The following SYCP1 variants were observed in gnomAD, a reference collection of about 807,000 sequenced individuals.
SYCP1 encodes cancer/testis antigen 8.
SYCP1 carries 64 observed loss-of-function variants against 153.1 expected under a neutral mutation model. The observed-to-expected ratio is 0.42, with a 90% CI of 0.34 to 0.51. The LOEUF (loss-of-function observed/expected upper bound fraction) is 0.51. Ranked by LOEUF, SYCP1 falls within the 20% of genes least tolerant of loss-of-function variation. The probability of loss-of-function intolerance (pLI) is 0.06; values close to 1 mark genes in which losing one functional copy is unlikely to be tolerated. For missense variants in SYCP1, 997 were observed against 1,049.0 expected (o/e 0.95, Z 0.68); for synonymous variants, 384 against 341.8 (o/e 1.12, Z -1.36).
At chr1:114,875,978 A>C (rs1438438991) in intron 9 of SYCP1, 91 bp from the exon 10 acceptor site, 2 of 764,676 alleles carry the variant, frequency 2.6e-6, no homozygotes, top group Admixed American at 3.1e-5. Context: ...AAATTTAATG[A>C]TCACATGATA....
In SYCP1 at chr1:114,856,631, C is replaced by A. The variant is rs1663958597; in HGVS notation, c.167C>A (p.Ser56Tyr). ...TTTCCATTTGCAAAGACTAATCTCTCCAAAAATGGGGAAAACATTGATTCA... is the reference window on the plus strand; with the variant it reads ...TTTCCATTTGCAAAGACTAATCTCTACAAAAATGGGGAAAACATTGATTCA... Reference protein sequence around the residue: ...FEFPFAKTNLSKNGENIDSDP... With the variant: ...FEFPFAKTNLYKNGENIDSDP... Residue 56 changes from serine to tyrosine, a missense_variant, in exon 3 of 32, where the codon TCC becomes TAC. Coordinates refer to ENST00000369522, the MANE Select transcript of SYCP1 (RefSeq NM_003176.4). 1 of 1,611,374 alleles carries A rather than the reference C, an allele frequency of 6.2e-7. No individual in the cohort carries two copies. The highest frequency in any genetic ancestry group is 1.7e-5 in the Admixed American group (1 of 59,602).
chr1:114,961,981 T>TC (rs1337817314), intron 27 of SYCP1, among the ~76,000 whole-genome samples: 3 of 150,866 alleles, frequency 2.0e-5, no homozygotes, highest in Admixed American at 6.6e-5. Flanking sequence ...TCTATCTTTT[T>TC]TTTTTTTTTT....
intron 12 of SYCP1, among the ~76,000 whole-genome samples, chr1:114,883,921 G>A (rs1477751038): frequency 6.6e-6 from 1 of 152,148 alleles, no homozygotes; most frequent in Non-Finnish European, 1.5e-5. Context: ...TCGAACTCCT[G>A]ACCTCATGAT....
At chr1:114,933,183 C>G (rs1669754908) in intron 23 of SYCP1, among the ~76,000 whole-genome samples, 2 of 152,168 alleles carry the variant, frequency 1.3e-5, no homozygotes, top group Non-Finnish European at 2.9e-5. Flanking sequence ...GCTGGGTACC[C>G]CTCTGAGATG....
chr1:114,980,470 C>A (rs1250375507), intron 28 of SYCP1, among the ~76,000 whole-genome samples: 1 of 151,854 alleles, frequency 6.6e-6, no homozygotes, highest in African/African-American at 2.4e-5. Context: ...TAGCCATTTT[C>A]TCAGTTTTTT....
At chr1:114,904,148 G>C (rs474584) in intron 16 of SYCP1, among the ~76,000 whole-genome samples, 1 of 144,304 alleles carries the variant, frequency 6.9e-6, no homozygotes, top group Non-Finnish European at 1.5e-5. Flanking sequence ...ACGGAGTCTT[G>C]CTCTGTTGCC....
In SYCP1 at chr1:114,930,524, T is replaced by C. The variant is rs535699056; in HGVS notation, c.1926+3961T>C. ...ATTAAAAAGATAAGAAAGGGGGGAC[T>C]GTGATGGATTACTTCATGCCAGTAA... On this transcript the variant is annotated intron_variant, in intron 23 of 31. Coordinates refer to ENST00000369522, the MANE Select transcript of SYCP1 (RefSeq NM_003176.4). 9.2e-5 allele frequency among the ~76,000 whole-genome samples: 14 copies of C among 152,046 alleles called. No homozygotes were observed. In the South Asian group the frequency reaches 2.9e-3, roughly 32 times the overall value.
At chr1:114,862,630 C>G (rs185077170) in intron 8 of SYCP1, among the ~76,000 whole-genome samples, 5 of 152,102 alleles carry the variant, frequency 3.3e-5, no homozygotes, top group African/African-American at 1.2e-4. Context: ...TGAGCCACTG[C>G]GCTGGGCGAT....
intron 6 of SYCP1, among the ~76,000 whole-genome samples, chr1:114,859,449 A>T (rs1213536678): frequency 6.6e-6 from 1 of 152,248 alleles, no homozygotes; most frequent in Non-Finnish European, 1.5e-5. Flanking sequence ...GTGACATTGT[A>T]TTAGGACAAA....
intron 15 of SYCP1, among the ~76,000 whole-genome samples, chr1:114,892,891 TC>T (rs1666818941): frequency 6.6e-6 from 1 of 151,950 alleles, no homozygotes; most frequent in South Asian, 2.1e-4. Context: ...GGGGCTGGGC[TC>T]TCAAAATGGT....
chr1:114,995,000 C>G lies in SYCP1; in HGVS notation c.2912C>G (p.Ala971Gly). ...KMDRKKKLKEAEKLFV is the reference protein window; with the variant it reads ...KMDRKKKLKEGEKLFV ...GATAGAAAAAAAAAACTAAAAGAAGCTGAAAAGTTATTTGTTTAATTTCAG... is the reference window on the plus strand; with the variant it reads ...GATAGAAAAAAAAAACTAAAAGAAGGTGAAAAGTTATTTGTTTAATTTCAG... The change falls in exon 32 of 32, where the codon GCT becomes GGT. Residue 971 changes from alanine to glycine, a missense_variant. By Grantham distance (60) the Ala-to-Gly change is moderately conservative (BLOSUM62 0). Around this residue, in one of 2 missense-constraint regions of SYCP1, gnomAD observed 712 missense variants for 682.9 expected, o/e 1.04. Coordinates refer to ENST00000369522, the MANE Select transcript of SYCP1 (RefSeq NM_003176.4). 1 of 1,599,112 alleles carries G rather than the reference C, an allele frequency of 6.3e-7. No homozygotes were observed. Among genetic ancestry groups the G allele is most frequent in the East Asian group, 2.2e-5 (1 of 44,562 alleles).
At chr1:114,857,667 C>G (rs1376768953) in intron 5 of SYCP1, among the ~76,000 whole-genome samples, 170 bp downstream of exon 5, 1 of 151,810 alleles carries the variant, frequency 6.6e-6, no homozygotes, top group Non-Finnish European at 1.5e-5. Context: ...TATGAAAGTT[C>G]CATTTATGTA....
intron 14 of SYCP1, 40 bp downstream of exon 14, chr1:114,886,349 TA>T (rs1214156389): frequency 2.8e-6 from 4 of 1,429,216 alleles, no homozygotes; most frequent in African/African-American, 1.5e-5. Context: ...AATAAGTGAA[TA>T]AAAACAATTT....
intron 23 of SYCP1, among the ~76,000 whole-genome samples, chr1:114,930,152 T>G (rs1337152930): frequency 6.6e-6 from 1 of 151,992 alleles, no homozygotes; most frequent in Non-Finnish European, 1.5e-5. Flanking sequence ...AATGATGAGA[T>G]AGACATAAAA....
chr1:114,938,157 T>A (rs1570810547), intron 23 of SYCP1, among the ~76,000 whole-genome samples: 1 of 152,092 alleles, frequency 6.6e-6, no homozygotes, highest in African/African-American at 2.4e-5. Flanking sequence ...CAAATGTCCA[T>A]CAATGATAGA....
At chr1:114,972,144 T>C (rs1672528102) in intron 27 of SYCP1, among the ~76,000 whole-genome samples, 1 of 152,172 alleles carries the variant, frequency 6.6e-6, no homozygotes, top group Admixed American at 6.5e-5. Flanking sequence ...GTTCAATCTT[T>C]GTAGATTGTA....
chr1:114,881,473 A>G (rs1230192398), intron 12 of SYCP1, among the ~76,000 whole-genome samples: 1 of 148,354 alleles, frequency 6.7e-6, no homozygotes, highest in Non-Finnish European at 1.5e-5. Context: ...TTATTTCTAG[A>G]CATTTCTTTT....
Position 114,909,495 on chromosome 1 carries a change from T to TACACACACAC in SYCP1, c.1321-871_1321-862dup, listed in dbSNP as rs57520899. The stretch of plus-strand genomic sequence containing the variant: ...TTCTTTCCCTCTCTCTCCCTTGCTG[T>TACACACACAC]ACACACACACACACACACACACACA... On this transcript the variant is annotated intron_variant, in intron 16 of 31. Transcript: ENST00000369522. 1.1e-3 allele frequency among the ~76,000 whole-genome samples: 113 copies of TACACACACAC among 106,500 alleles called. 1 individual carries two copies. In the East Asian group the frequency reaches 0.021, roughly 20 times the overall value. The allele number at this position is 106,500 out of a possible 152,430, so 69.9% of individuals were successfully genotyped here.
At chr1:114,912,584 G>C (rs866391798) in intron 18 of SYCP1, among the ~76,000 whole-genome samples, 5 of 151,886 alleles carry the variant, frequency 3.3e-5, no homozygotes, top group Non-Finnish European at 5.9e-5. Flanking sequence ...TTAAGTTTTA[G>C]GGTACATGTG....
Sources: gnomAD v4.1 joint callset for allele counts (sites outside exome capture counted in the v4.1 genomes callset) on GRCh38, gnomAD v4.1.1 for gene constraint, gnomAD v4.1.1 regional missense constraint, MANE v1.5 for transcripts, NCBI Gene and HGNC (gene_info 2026-07-23, HGNC 2026-07-21) for gene names.